Variants in CILK1 observed in about 807,000 individuals in gnomAD.
CILK1 encodes the protein serine/threonine-protein kinase ICK.
CILK1 carries 47 observed loss-of-function variants against 79.2 expected under a neutral mutation model. The ratio of observed to expected loss-of-function variants is 0.59; its 90% CI spans 0.47 to 0.76. CILK1 has a LOEUF of 0.76. CILK1 is among the 30% of genes least tolerant of loss of function. The probability of loss-of-function intolerance (pLI) is 0.00; values close to 1 mark genes in which losing one functional copy is unlikely to be tolerated. For missense variants in CILK1, 660 were observed against 769.5 expected, an observed-to-expected ratio of 0.86 and a Z score of 1.68; for synonymous variants, 266 against 275.9, an observed-to-expected ratio of 0.96 and a Z score of 0.36.
chr6:53,009,497 A>C lies in CILK1; in HGVS notation c.1563T>G (p.Ser521Arg). ...KEFIPPNPWS[S>R]SGLSGKSSGT... ...CTGAAGATTTTCCAGACAAGCCAGA[A>C]CTAGACCATGGATTAGGTGGAATAA... Residue 521 changes from serine (S) to arginine (R), a missense_variant, in exon 12 of 14, where the codon AGT (serine) becomes AGG (arginine). Ser to Arg is a moderately radical substitution (Grantham distance 110, BLOSUM62 -1). Transcript: ENST00000676107. 2 of 1,613,274 alleles carry C rather than the reference A, an allele frequency of 1.2e-6. No homozygotes were observed. Among genetic ancestry groups the C allele is most frequent in the Non-Finnish European group, 1.7e-6 (2 of 1,179,146 alleles).
At chr6:53,011,962 G>A (rs187350551) in intron 10 of CILK1, 45 bp from the exon 11 acceptor site, 2 of 1,613,820 alleles carry the variant, frequency 1.2e-6, no homozygotes, top group Admixed American at 1.7e-5. Flanking sequence ...GAGACAGTAT[G>A]TATTCTCGGA....
intron 8 of CILK1, among the ~76,000 whole-genome samples, chr6:53,015,867 C>A (rs1188855288): frequency 6.6e-6 from 1 of 152,176 alleles, no homozygotes; most frequent in Non-Finnish European, 1.5e-5. Context: ...GAATTACATG[C>A]CAATTTTCAA....
intron 5 of CILK1, 25 bp from the exon 6 acceptor site, chr6:53,019,384 A>T: frequency 6.2e-7 from 1 of 1,613,628 alleles, no homozygotes; most frequent in East Asian, 2.2e-5. Flanking sequence ...GAGGAGAAGA[A>T]ATCCAAATGC....
chr6:53,011,676 T>G, intron 11 of CILK1, 93 bp downstream of exon 11: 1 of 1,205,074 alleles, frequency 8.3e-7, no homozygotes, highest in Non-Finnish European at 1.2e-6. Context: ...CCCCCTAGTA[T>G]CTGCCTTCTA....
intron 4 of CILK1, among the ~76,000 whole-genome samples, chr6:53,032,243 C>T (rs1424437532): frequency 6.6e-6 from 1 of 152,088 alleles, no homozygotes; most frequent in Non-Finnish European, 1.5e-5. Flanking sequence ...TAACTGGCAG[C>T]TTTCAACATG....
At chr6:53,049,984 G>A (rs1767364378) in intron 1 of CILK1, among the ~76,000 whole-genome samples, 1 of 152,164 alleles carries the variant, frequency 6.6e-6, no homozygotes. Flanking sequence ...GCCTCCCAAA[G>A]TGTTGGGGTT....
At chr6:53,027,202 A>C in intron 5 of CILK1, among the ~76,000 whole-genome samples, 1 of 152,254 alleles carries the variant, frequency 6.6e-6, no homozygotes, top group South Asian at 2.1e-4. Context: ...ATGCACAGCA[A>C]GACAGTGAGG....
chr6:53,035,807 G>A (rs547605991), intron 3 of CILK1, among the ~76,000 whole-genome samples: 1 of 152,284 alleles, frequency 6.6e-6, no homozygotes, highest in South Asian at 2.1e-4. Flanking sequence ...TGAGTCAGCA[G>A]GCACAAAAGA....
At chr6:53,010,366 T>C (rs190542532) in intron 11 of CILK1, among the ~76,000 whole-genome samples, 1 of 152,336 alleles carries the variant, frequency 6.6e-6, no homozygotes, top group African/African-American at 2.4e-5. Context: ...CCCTTCTGAC[T>C]CCAGCTCAGC....
At chr6:53,019,425 T>C in intron 5 of CILK1, 66 bp from the exon 6 acceptor site, 1 of 1,548,076 alleles carries the variant, frequency 6.5e-7, no homozygotes, top group South Asian at 1.1e-5. Context: ...TTTGCAATTG[T>C]ATTGCTCTCT....
intron 3 of CILK1, among the ~76,000 whole-genome samples, chr6:53,034,108 T>TC (rs1766152539): frequency 6.6e-6 from 1 of 152,254 alleles, no homozygotes; most frequent in South Asian, 2.1e-4. Flanking sequence ...TTTATGCCTG[T>TC]TTGCTTAAAA....
At chr6:53,054,193 C>G (rs547582234) in intron 1 of CILK1, among the ~76,000 whole-genome samples, 92 of 152,202 alleles carry the variant, frequency 6.0e-4, no homozygotes, top group Admixed American at 1.6e-3. Flanking sequence ...TCACCTCTTC[C>G]AAGCCTCCTG....
intron 1 of CILK1, among the ~76,000 whole-genome samples, chr6:53,044,998 C>A (rs1232677256): frequency 6.6e-6 from 1 of 152,130 alleles, no homozygotes; most frequent in Non-Finnish European, 1.5e-5. Flanking sequence ...TATGGGTATT[C>A]TTTTGGTATT....
chr6:53,026,262 T>C (rs1422117039), intron 5 of CILK1, among the ~76,000 whole-genome samples: 1 of 152,142 alleles, frequency 6.6e-6, no homozygotes, highest in Non-Finnish European at 1.5e-5. Context: ...CCTCCTGGGT[T>C]CAAGCTATTC....
In CILK1 at chr6:53,019,354, AG is replaced by A; in HGVS notation, c.363del (p.His123IlefsTer4). ...TTCTCAGGCTTTAAGTCTCGATGAA[AG>A]AAGCCTATAGAGACAGTAGAGGAGA... ...QGLAFIHKHG[F>X]FHRDLKPENL... On this transcript the variant is annotated frameshift_variant, in exon 6 of 14. Transcript: ENST00000676107. LOFTEE classifies it high-confidence loss of function. 1 of 1,614,142 alleles carries A rather than the reference AG, an allele frequency of 6.2e-7. No homozygotes were observed. The highest frequency in any genetic ancestry group is 8.5e-7 in the Non-Finnish European group (1 of 1,179,982).
chr6:53,045,063 T>A (rs1766969474), intron 1 of CILK1, among the ~76,000 whole-genome samples: 1 of 152,222 alleles, frequency 6.6e-6, no homozygotes, highest in Admixed American at 6.5e-5. Flanking sequence ...CAATTATCCC[T>A]AAAATGGTAG....
chr6:53,036,518 C>T lies in CILK1; in HGVS notation c.156+1421G>A, dbSNP rs550286035. 3.8e-3 allele frequency among the ~76,000 whole-genome samples: 586 copies of T among 152,236 alleles called. 3 individuals are homozygous for T. The highest frequency in any genetic ancestry group is 0.013 in the African/African-American group (556 of 41,544). On this transcript the variant is annotated intron_variant, in intron 3 of 13. Transcript: ENST00000676107. ...GCAACCTCCACTTCCCGGGTTCCAG[C>T]GATTCTCCTGCTTCGGCTTCCTGAG...
At chr6:53,043,648 A>G (rs1206005442) in intron 1 of CILK1, among the ~76,000 whole-genome samples, 2 of 152,112 alleles carry the variant, frequency 1.3e-5, no homozygotes, top group Admixed American at 1.3e-4. Flanking sequence ...ATATTTATAA[A>G]GCACCTTCTG....
In CILK1 at chr6:53,009,513, G is replaced by T; in HGVS notation, c.1547C>A (p.Pro516His). 1 of 1,611,364 alleles carries T rather than the reference G, an allele frequency of 6.2e-7. No homozygotes were observed. Among genetic ancestry groups the T allele is most frequent in the Non-Finnish European group, 8.5e-7 (1 of 1,177,462 alleles). The change falls in exon 12 of 14, where the codon CCT (proline) becomes CAT (histidine). Residue 516 changes from proline to histidine, a missense_variant. Physicochemically the swap from Pro to His is moderately conservative, Grantham distance 77. Coordinates refer to ENST00000676107, the MANE Select transcript of CILK1 (RefSeq NM_014920.5). ...CAAGCCAGAACTAGACCATGGATTAGGTGGAATAAATTCCTTGCCTGGATT... is the reference window on the plus strand; with the variant it reads ...CAAGCCAGAACTAGACCATGGATTATGTGGAATAAATTCCTTGCCTGGATT... ...LSNPGKEFIP[P>H]NPWSSSGLSG...
Sources: allele counts gnomAD v4.1 joint callset (sites outside exome capture counted in the v4.1 genomes callset), GRCh38; gene constraint gnomAD v4.1.1; transcripts MANE v1.5; gene names NCBI Gene and HGNC (gene_info 2026-07-23, HGNC 2026-07-21).